The following CNTNAP5 variants were observed in gnomAD, a reference collection of about 807,000 sequenced individuals.
CNTNAP5 encodes the protein contactin-associated protein-like 5.
A neutral mutation model predicts 150.2 loss-of-function variants in CNTNAP5; 72 were observed. The ratio of observed to expected loss-of-function variants is 0.48; its 90% CI spans 0.40 to 0.58. The LOEUF (loss-of-function observed/expected upper bound fraction) is 0.58. Ranked by LOEUF, CNTNAP5 falls within the 20% of genes least tolerant of loss-of-function variation. The probability of loss-of-function intolerance (pLI) is 0.00; values close to 1 mark genes in which losing one functional copy is unlikely to be tolerated. For missense variants in CNTNAP5, 1,636 were observed against 1,626.2 expected, an observed-to-expected ratio of 1.01 and a Z score of -0.10; for synonymous variants, 672 against 619.8, an observed-to-expected ratio of 1.08 and a Z score of -1.25.
intron 1 of CNTNAP5, among the ~76,000 whole-genome samples, chr2:124,133,095 C>T (rs1683893822): frequency 6.6e-6 from 1 of 152,112 alleles, no homozygotes; most frequent in Admixed American, 6.5e-5. Context: ...CAAAATATCC[C>T]TGAGAAGAAA....
chr2:124,896,059 T>C (rs775460340), intron 21 of CNTNAP5, among the ~76,000 whole-genome samples: 2 of 151,550 alleles, frequency 1.3e-5, no homozygotes, highest in Admixed American at 6.6e-5. Context: ...TATCAACAGT[T>C]CATTTAGTTT....
At chr2:124,876,864 G>A (rs567179667) in intron 21 of CNTNAP5, among the ~76,000 whole-genome samples, 78 of 151,826 alleles carry the variant, frequency 5.1e-4, no homozygotes, top group Non-Finnish European at 8.8e-4. Context: ...TTTTAGATTC[G>A]TTAATCTAAT....
At chr2:124,302,440 G>A (rs1688587840) in intron 3 of CNTNAP5, among the ~76,000 whole-genome samples, 1 of 152,188 alleles carries the variant, frequency 6.6e-6, no homozygotes, top group Admixed American at 6.5e-5. Flanking sequence ...CCAAGAGCAT[G>A]TCTCTGGCAT....
At chr2:124,337,333 C>T (rs1283489427) in intron 3 of CNTNAP5, among the ~76,000 whole-genome samples, 3 of 152,142 alleles carry the variant, frequency 2.0e-5, no homozygotes, top group African/African-American at 7.2e-5. Context: ...TGCCTGTTCA[C>T]TCTGATGGTA....
intron 19 of CNTNAP5, among the ~76,000 whole-genome samples, chr2:124,833,993 C>T (rs1187210633): frequency 6.6e-6 from 1 of 152,140 alleles, no homozygotes; most frequent in African/African-American, 2.4e-5. Flanking sequence ...AACACTGCTT[C>T]TTATGTTTGC....
chr2:124,121,763 A>T (rs1420334286), intron 1 of CNTNAP5, among the ~76,000 whole-genome samples: 1 of 152,134 alleles, frequency 6.6e-6, no homozygotes, highest in African/African-American at 2.4e-5. Flanking sequence ...CAAGACCTGA[A>T]GTTTCCCTAC....
chr2:124,053,649 T>G (rs1342995795), intron 1 of CNTNAP5, among the ~76,000 whole-genome samples: 1 of 152,194 alleles, frequency 6.6e-6, no homozygotes, highest in Non-Finnish European at 1.5e-5. Context: ...ATGGCATGGT[T>G]TACATAAACA....
At chr2:124,087,256 CAT>C (rs1491128548) in intron 1 of CNTNAP5, among the ~76,000 whole-genome samples, 1 of 151,858 alleles carries the variant, frequency 6.6e-6, no homozygotes, top group Non-Finnish European at 1.5e-5. Context: ...AATCTACCCA[CAT>C]TTTTTGTTTA....
chr2:124,225,915 C>T (rs1018158518), intron 2 of CNTNAP5, among the ~76,000 whole-genome samples: 2 of 152,142 alleles, frequency 1.3e-5, no homozygotes, highest in African/African-American at 4.8e-5. Flanking sequence ...GTACAATGCC[C>T]ACTAGGCTCA....
chr2:124,653,365 G>A (rs1162615433), intron 13 of CNTNAP5, among the ~76,000 whole-genome samples: 1 of 151,154 alleles, frequency 6.6e-6, no homozygotes, highest in Non-Finnish European at 1.5e-5. Flanking sequence ...ATAATACATA[G>A]TATATAGTAT....
intron 13 of CNTNAP5, among the ~76,000 whole-genome samples, chr2:124,692,641 C>T (rs766563986): frequency 2.0e-5 from 3 of 152,122 alleles, no homozygotes; most frequent in African/African-American, 4.8e-5. Context: ...TTGGTACAAA[C>T]AGAAATCGAT....
intron 10 of CNTNAP5, among the ~76,000 whole-genome samples, chr2:124,554,997 TTGATG>T (rs1487119118): frequency 6.6e-6 from 1 of 152,218 alleles, no homozygotes; most frequent in Non-Finnish European, 1.5e-5. Context: ...ACTTCATGAC[TTGATG>T]TAAGACATTA....
At chr2:124,375,349 T>C (rs979159715) in intron 3 of CNTNAP5, among the ~76,000 whole-genome samples, 1 of 152,162 alleles carries the variant, frequency 6.6e-6, no homozygotes, top group African/African-American at 2.4e-5. Flanking sequence ...CATACTTGCA[T>C]CATGATTCTC....
At chr2:124,282,248 A>G (rs957191464) in intron 3 of CNTNAP5, among the ~76,000 whole-genome samples, 2 of 152,182 alleles carry the variant, frequency 1.3e-5, no homozygotes, top group African/African-American at 4.8e-5. Context: ...TCTAATGTTT[A>G]GCTACAACAA....
chr2:124,516,063 A>G (rs1694709387), intron 8 of CNTNAP5, among the ~76,000 whole-genome samples: 1 of 152,208 alleles, frequency 6.6e-6, no homozygotes, highest in East Asian at 1.9e-4. Context: ...GATAAGGAAT[A>G]GAACAAAAAT....
rs747992261 is a variant in CNTNAP5 at position 124,456,311 on chromosome 2, C to CAATA, written c.918+9397_918+9400dup. ...AACTCAGCCCCTTTTACAATAACTGCAATAAATAAATAAATAAATAAATAA... is the reference window on the plus strand; with the variant it reads ...AACTCAGCCCCTTTTACAATAACTGCAATAAATAAATAAATAAATAAATAAATAA... On this transcript the variant is annotated intron_variant, in intron 6 of 23. Coordinates refer to ENST00000682447, the MANE Select transcript of CNTNAP5 (RefSeq NM_001367498.1). Among the ~76,000 whole-genome samples the CAATA allele has an allele frequency of 2.0e-3, 303 of 151,790 alleles. 1 individual carries two copies. The highest frequency in any genetic ancestry group is 6.0e-3 in the East Asian group (31 of 5,158).
At chr2:124,092,907 A>C (rs1290408217) in intron 1 of CNTNAP5, among the ~76,000 whole-genome samples, 1 of 152,232 alleles carries the variant, frequency 6.6e-6, no homozygotes, top group Non-Finnish European at 1.5e-5. Flanking sequence ...TAGTAATGCT[A>C]ACAGAAAGAT....
At chr2:124,213,168 C>T (rs1686064277) in intron 1 of CNTNAP5, among the ~76,000 whole-genome samples, 1 of 151,902 alleles carries the variant, frequency 6.6e-6, no homozygotes, top group African/African-American at 2.4e-5. Context: ...CTTTCATCCT[C>T]ATGATGCCAC....
intron 3 of CNTNAP5, among the ~76,000 whole-genome samples, chr2:124,286,602 A>G (rs1215160835): frequency 2.0e-5 from 3 of 152,182 alleles, no homozygotes; most frequent in African/African-American, 7.2e-5. Context: ...CTGATTCAGC[A>G]GAATTGAGGT....
Sources: allele counts gnomAD v4.1 joint callset (sites outside exome capture counted in the v4.1 genomes callset), GRCh38; gene constraint gnomAD v4.1.1; transcripts MANE v1.5; gene names NCBI Gene and HGNC (gene_info 2026-07-23, HGNC 2026-07-21).